NAA25: variants seen among roughly 807,000 people sequenced by gnomAD.
NAA25 encodes the protein N-terminal acetyltransferase B complex subunit NAA25.
NAA25 carries 30 observed loss-of-function variants against 132.5 expected under a neutral mutation model. The observed-to-expected ratio is 0.23, with a 90% CI of 0.17 to 0.31. The LOEUF (loss-of-function observed/expected upper bound fraction) is 0.31, where lower values mean the gene tolerates loss of function less well. Among genes scored for constraint, NAA25 ranks in the 10% least tolerant of loss-of-function variants. NAA25 has a pLI of 1.00. For synonymous variants in NAA25, 359 were observed against 401.9 expected (o/e 0.89, Z 1.28); for missense variants, 771 against 1,150.4 (o/e 0.67, Z 4.77).
intron 13 of NAA25, among the ~76,000 whole-genome samples, chr12:112,058,395 G>A (rs1175084522): frequency 6.6e-6 from 1 of 152,246 alleles, no homozygotes; most frequent in African/African-American, 2.4e-5. Flanking sequence ...CTAAGAATCT[G>A]GAGATGTGGG....
At chr12:112,047,594 T>C in intron 17 of NAA25, 71 bp downstream of exon 17, 3 of 1,559,054 alleles carry the variant, frequency 1.9e-6, no homozygotes, top group East Asian at 2.3e-5. Context: ...TGAGCTATGA[T>C]CTTGGTCTCT....
chr12:112,100,069 G>A (rs1440671299), intron 1 of NAA25, among the ~76,000 whole-genome samples: 8 of 152,194 alleles, frequency 5.3e-5, no homozygotes, highest in South Asian at 2.1e-4. Context: ...CACTCAGCAA[G>A]CCTTTGTTAA....
At chr12:112,053,456 T>C in intron 15 of NAA25, 102 bp downstream of exon 15, 1 of 836,734 alleles carries the variant, frequency 1.2e-6, no homozygotes, top group Non-Finnish European at 2.0e-6. Flanking sequence ...TAGTTCAGCA[T>C]GGTGCACCTT....
At chr12:112,040,652 A>G (rs1191277635) in intron 20 of NAA25, 74 bp from the exon 21 acceptor site, 6 of 786,486 alleles carry the variant, frequency 7.6e-6, no homozygotes, top group Non-Finnish European at 1.1e-5. Flanking sequence ...ACACACAAAT[A>G]AAGAATAAGC....
chr12:112,085,507 T>A (rs2079033541), intron 4 of NAA25, among the ~76,000 whole-genome samples: 1 of 152,138 alleles, frequency 6.6e-6, no homozygotes, highest in South Asian at 2.1e-4. Flanking sequence ...TAACATATAC[T>A]AGGAACATCT....
At chr12:112,095,742 T>C (rs919551595) in intron 1 of NAA25, among the ~76,000 whole-genome samples, 2 of 151,678 alleles carry the variant, frequency 1.3e-5, no homozygotes, top group African/African-American at 2.4e-5. Context: ...GAAAAGGCTA[T>C]ATACTATATA....
intron 1 of NAA25, among the ~76,000 whole-genome samples, chr12:112,098,849 C>A: frequency 6.6e-6 from 1 of 152,272 alleles, no homozygotes; most frequent in Non-Finnish European, 1.5e-5. Flanking sequence ...CCTCCGCCTC[C>A]AAGGTTCAAC....
At chr12:112,070,899 AC>A (rs1566018015) in intron 10 of NAA25, among the ~76,000 whole-genome samples, 1 of 152,232 alleles carries the variant, frequency 6.6e-6, no homozygotes, top group Admixed American at 6.5e-5. Context: ...GGCGTGTGCC[AC>A]CATGCCTGGC....
chr12:112,078,092 T>C, intron 7 of NAA25, 96 bp downstream of exon 7: 3 of 786,592 alleles, frequency 3.8e-6, no homozygotes, highest in Non-Finnish European at 6.3e-6. Flanking sequence ...AAAGTGTTTA[T>C]GTCTTTATAT....
At chr12:112,066,283 G>A (rs896983360) in intron 11 of NAA25, among the ~76,000 whole-genome samples, 3 of 152,196 alleles carry the variant, frequency 2.0e-5, no homozygotes, top group Admixed American at 2.0e-4. Context: ...AATAAGCACT[G>A]TAAGACAAGA....
intron 1 of NAA25, among the ~76,000 whole-genome samples, chr12:112,104,275 CTCTATT>C (rs1403971411): frequency 6.6e-6 from 1 of 152,102 alleles, no homozygotes; most frequent in Non-Finnish European, 1.5e-5. Flanking sequence ...TTTGAACTTT[CTCTATT>C]TCTATTATGC....
chr12:112,048,480 C>G (rs772579541), intron 15 of NAA25, 37 bp from the exon 16 acceptor site: 1 of 1,582,034 alleles, frequency 6.3e-7, no homozygotes, highest in Admixed American at 1.7e-5. Context: ...ATAAATAGTT[C>G]ACAAGTCAGG....
chr12:112,094,628 G>A (rs1308085697), intron 1 of NAA25, among the ~76,000 whole-genome samples: 1 of 152,078 alleles, frequency 6.6e-6, no homozygotes, highest in Non-Finnish European at 1.5e-5. Flanking sequence ...TTCAATAATA[G>A]CAGGAGTAGG....
chr12:112,099,422 C>G (rs1760320621), intron 1 of NAA25, among the ~76,000 whole-genome samples: 1 of 151,892 alleles, frequency 6.6e-6, no homozygotes. Context: ...TACAAGTTTT[C>G]CACTCATAGC....
At chr12:112,046,681 C>A (rs1187090466) in intron 17 of NAA25, among the ~76,000 whole-genome samples, 1 of 152,134 alleles carries the variant, frequency 6.6e-6, no homozygotes, top group Non-Finnish European at 1.5e-5. Flanking sequence ...AAAATTTATC[C>A]CTGTGTAAAT....
Position 112,041,191 on chromosome 12 carries a change from CTTT to C in NAA25, c.2441-616_2441-614del, listed in dbSNP as rs199938023. Among the ~76,000 whole-genome samples, 6,234 of 142,428 alleles carry C rather than the reference CTTT, an allele frequency of 0.044. 1,176 individuals are homozygous for C. The East Asian group carries it at 0.61, about 14-fold the overall frequency. 93.4% of individuals were successfully genotyped at this position (142,428 alleles called of 152,430 possible). A position where few individuals can be genotyped will look rare whatever the true frequency, so the allele number is the denominator to read the frequency against. The stretch of plus-strand genomic sequence containing the variant: ...AATCATTTAGGGTCCTAAAAAGACA[CTTT>C]TTTTTTTTTTTGAGATGGAGTCTCG... On this transcript the variant is annotated intron_variant, in intron 20 of 23. Coordinates refer to ENST00000261745, the MANE Select transcript of NAA25 (RefSeq NM_024953.4).
chr12:112,075,281 C>A (rs1275079387), intron 8 of NAA25, among the ~76,000 whole-genome samples: 1 of 151,858 alleles, frequency 6.6e-6, no homozygotes, highest in Non-Finnish European at 1.5e-5. Context: ...CTCTGCCTCC[C>A]AGGTTCAAGC....
intron 10 of NAA25, 67 bp downstream of exon 10, chr12:112,071,828 A>AT: frequency 2.7e-6 from 3 of 1,106,780 alleles, no homozygotes; most frequent in Admixed American, 3.4e-5. Flanking sequence ...GTAGATCTCA[A>AT]CTAATGAATA....
chr12:112,033,305 A>G lies in NAA25; in HGVS notation c.2724T>C (p.Ile908=). ...QTLISNVVDH[I]KGLETHLIAL... is the part of the protein sequence containing the mutation. ...CAATTAGATGTGTTTCAAGCCCTTT[A>G]ATATGATCCACAACATTGGAAATTA... The change falls in exon 23 of 24, where the codon ATT becomes ATC. Residue 908 remains isoleucine, a synonymous_variant. Transcript: ENST00000261745. 1 of 1,613,712 alleles carries G rather than the reference A, an allele frequency of 6.2e-7. No homozygotes were observed. Among genetic ancestry groups the G allele is most frequent in the Non-Finnish European group, 8.5e-7 (1 of 1,179,870 alleles).
Sources: gnomAD v4.1 joint callset for allele counts (sites outside exome capture counted in the v4.1 genomes callset) on GRCh38, gnomAD v4.1.1 for gene constraint, MANE v1.5 for transcripts, NCBI Gene and HGNC (gene_info 2026-07-23, HGNC 2026-07-21) for gene names.